MST1R: variants seen among roughly 807,000 people sequenced by gnomAD.
The protein encoded by MST1R is macrophage-stimulating protein receptor.
MST1R carries 99 observed loss-of-function variants against 117.8 expected under a neutral mutation model. The ratio of observed to expected loss-of-function variants is 0.84; its 90% CI spans 0.71 to 0.99. The LOEUF (loss-of-function observed/expected upper bound fraction) is 0.99, where lower values mean the gene tolerates loss of function less well. Ranked by LOEUF, MST1R falls within the 50% of genes least tolerant of loss-of-function variation. The pLI is 0.00. For synonymous variants in MST1R, 734 were observed against 765.3 expected (o/e 0.96, Z 0.68); for missense variants, 1,683 against 1,840.2 (o/e 0.91, Z 1.56).
chr3:49,890,161 G>A, intron 18 of MST1R, 101 bp from the exon 19 acceptor site: 1 of 1,422,592 alleles, frequency 7.0e-7, no homozygotes, highest in Non-Finnish European at 9.5e-7. Context: ...GCTGGAAATG[G>A]AAGACCCTAC....
chr3:49,890,144 TC>T, intron 18 of MST1R, 84 bp from the exon 19 acceptor site: 18 of 1,492,942 alleles, frequency 1.2e-5, no homozygotes, highest in Non-Finnish European at 1.6e-5. Context: ...CCTCCCAGAG[TC>T]CTTCAGCTGG....
Position 49,903,855 on chromosome 3 carries a change from C to A in MST1R, c.-246G>T. ...CGCCCCAGCCGCCTCACCTGCCGCC[C>A]CAGCCGCCGCTGTACACTGGCGCTT... is the stretch of plus-strand genomic sequence containing the variant. On this transcript the variant is annotated 5_prime_UTR_variant, in exon 1 of 20. Coordinates refer to ENST00000296474, the MANE Select transcript of MST1R (RefSeq NM_002447.4). The A allele has an allele frequency of 1.9e-6, 1 of 531,138 alleles. No individual in the cohort carries two copies. The highest frequency in any genetic ancestry group is 3.2e-6 in the Non-Finnish European group (1 of 307,962). 32.9% of individuals were successfully genotyped at this position (531,138 alleles called of 1,614,324 possible). A position where few individuals can be genotyped will look rare whatever the true frequency, so the allele number is the denominator to read the frequency against.
At position 49,892,452 on chromosome 3, in the gene MST1R, G is replaced by A. The variant is rs187485731; in HGVS notation, c.3272-614C>T. 5.3e-3 allele frequency among the ~76,000 whole-genome samples: 797 copies of A among 151,370 alleles called. 5 individuals are homozygous for A. Among genetic ancestry groups the A allele is most frequent in the African/African-American group, 0.019 (770 of 41,298 alleles). On this transcript the variant is annotated intron_variant, in intron 14 of 19. Coordinates refer to ENST00000296474, the MANE Select transcript of MST1R (RefSeq NM_002447.4). Reference sequence around the variant, plus strand: ...TGAGGCAGGAGGATAGCTTGAACCCGGGAGGCAGAGGTTGCAGTGAGCCAA... The same window carrying A: ...TGAGGCAGGAGGATAGCTTGAACCCAGGAGGCAGAGGTTGCAGTGAGCCAA...
At chr3:49,902,272 C>T in intron 1 of MST1R, 108 bp downstream of exon 1, 5 of 1,444,148 alleles carry the variant, frequency 3.5e-6, no homozygotes, top group Non-Finnish European at 4.6e-6. Context: ...CTTCTTTCCG[C>T]CTGCCCCCCC....
At chr3:49,899,878 G>A (rs1387658551) in intron 1 of MST1R, among the ~76,000 whole-genome samples, 3 of 151,992 alleles carry the variant, frequency 2.0e-5, no homozygotes, top group Non-Finnish European at 4.4e-5. Context: ...GGCCCACCCC[G>A]TACATCTCAC....
chr3:49,895,365 C>T lies in MST1R; in HGVS notation c.3073G>A (p.Ala1025Thr), dbSNP rs2082431987. 1.2e-6 allele frequency: 2 copies of T among 1,614,208 alleles called. No homozygotes were observed. The highest frequency in any genetic ancestry group is 1.7e-6 in the Non-Finnish European group (2 of 1,180,050). Residue 1025 changes from alanine (A) to threonine (T), a missense_variant, in exon 14 of 20, where the codon GCC becomes ACC. Ala to Thr is a moderately conservative substitution (Grantham distance 58). Transcript: ENST00000296474. ...SDYRSGLALP[A>T]IDGLDSTTCV... ...GTGGTGGAATCCAGACCATCAATGG[C>T]AGGGAGTGCTGTGGGGAGAGGGAAT...
At chr3:49,899,320 T>C (rs1389130451) in intron 1 of MST1R, 57 bp from the exon 2 acceptor site, 15 of 1,582,930 alleles carry the variant, frequency 9.5e-6, no homozygotes, top group African/African-American at 1.3e-5. Flanking sequence ...CCCGACCCTC[T>C]GGGGCCTTTG....
At chr3:49,890,346 CCAAG>C in intron 18 of MST1R, 135 bp downstream of exon 18, 1 of 973,894 alleles carries the variant, frequency 1.0e-6, no homozygotes, top group Non-Finnish European at 1.5e-6. Context: ...TTACATCTGC[CCAAG>C]AGGTGAGCAG....
chr3:49,891,943 T>C lies in MST1R; in HGVS notation c.3272-105A>G. ...GACCTCAGAGCACTAAACTGGCCAATCTGACATTTTATTTATTTTTAATTT... is the reference window on the plus strand; with the variant it reads ...GACCTCAGAGCACTAAACTGGCCAACCTGACATTTTATTTATTTTTAATTT... On this transcript the variant is annotated intron_variant, in intron 14 of 19. Transcript: ENST00000296474. 3 of 789,856 alleles carry C rather than the reference T, an allele frequency of 3.8e-6. No homozygotes were observed. In the Middle Eastern group the frequency reaches 7.9e-4, roughly 209 times the overall value. 48.9% of individuals were successfully genotyped at this position (789,856 alleles called of 1,614,324 possible). A position where few individuals can be genotyped will look rare whatever the true frequency, so the allele number is the denominator to read the frequency against.
rs2082528701 is a variant in MST1R, at chr3:49,897,681, C to T, written c.1885G>A (p.Val629Met). 6.2e-7 allele frequency: 1 copy of T among 1,611,108 alleles called. No individual in the cohort carries two copies. Among genetic ancestry groups the T allele is most frequent in the South Asian group, 1.1e-5 (1 of 90,596 alleles). ...LPKDSSKLRP[V>M]PRKDFVEEFE... ...TCCTCTACAAAGTCTTTCCGGGGCACTGGTCTGGGGCACCAGGGGAACCCC... is the reference window on the plus strand; with the variant it reads ...TCCTCTACAAAGTCTTTCCGGGGCATTGGTCTGGGGCACCAGGGGAACCCC... Residue 629 changes from valine (V) to methionine (M), a missense_variant, in exon 6 of 20, where the codon GTG becomes ATG. Physicochemically the swap from Val to Met is conservative, Grantham distance 21. Coordinates refer to ENST00000296474, the MANE Select transcript of MST1R (RefSeq NM_002447.4).
chr3:49,889,169 T>C (rs569172036), intron 19 of MST1R, among the ~76,000 whole-genome samples: 1 of 152,326 alleles, frequency 6.6e-6, no homozygotes, highest in African/African-American at 2.4e-5. Context: ...CCAGTCCTTC[T>C]TCCCTTGCCC....
chr3:49,895,929 G>A, intron 11 of MST1R, 32 bp downstream of exon 11: 1 of 1,569,512 alleles, frequency 6.4e-7, no homozygotes, highest in East Asian at 2.2e-5. Flanking sequence ...CTCTGCCCGT[G>A]TTTCCCAGGG....
In MST1R at chr3:49,887,296, CAAGAACT is replaced by C. The variant is rs1401577514; in HGVS notation, c.*4_*10del. The C allele has an allele frequency of 1.9e-6, 3 of 1,613,646 alleles. No individual in the cohort carries two copies. The highest frequency in any genetic ancestry group is 3.3e-5 in the Admixed American group (2 of 60,024). ...TCAAGGCAGCTAAGCAGGTCCAGCC[CAAGAACT>C]AAGTCAAGTGGGCCGAGGAGGCTCT... On this transcript the variant is annotated 3_prime_UTR_variant, in exon 20 of 20. Coordinates refer to ENST00000296474, the MANE Select transcript of MST1R (RefSeq NM_002447.4).
chr3:49,902,568 C>CA lies in MST1R; in HGVS notation c.1041dup (p.Gly348TrpfsTer25). The CA allele has an allele frequency of 1.2e-6, 2 of 1,613,960 alleles. No individual in the cohort carries two copies. Among genetic ancestry groups the CA allele is most frequent in the Non-Finnish European group, 1.7e-6 (2 of 1,180,048 alleles). On this transcript the variant is annotated frameshift_variant, in exon 1 of 20. Coordinates refer to ENST00000296474, the MANE Select transcript of MST1R (RefSeq NM_002447.4). LOFTEE classifies it high-confidence loss of function. Reference sequence around the variant, plus strand: ...CCATCCTTGCCAGTCACAAAGACCCCAAATAGTACTTCCTGGCCCTCGGCG... The same window carrying CA: ...CCATCCTTGCCAGTCACAAAGACCCCAAAATAGTACTTCCTGGCCCTCGGCG...
chr3:49,902,941 A>C lies in MST1R; in HGVS notation c.669T>G (p.Ala223=). 2 of 1,613,290 alleles carry C rather than the reference A, an allele frequency of 1.2e-6. No homozygotes were observed. The highest frequency in any genetic ancestry group is 1.7e-6 in the Non-Finnish European group (2 of 1,179,992). The change falls in exon 1 of 20, where the codon GCT becomes GCG. Residue 223 remains alanine, a synonymous_variant. Coordinates refer to ENST00000296474, the MANE Select transcript of MST1R (RefSeq NM_002447.4). ...AGCCCGGTGCGAATCCCGAGGCGTC[A>C]GCCTTGAGACGCCTGATAGACACTG... ...PRSVSIRRLK[A]DASGFAPGFV... is the part of the protein sequence containing the mutation.
chr3:49,896,511 T>C (rs2082477347), intron 9 of MST1R, 29 bp downstream of exon 9: 2 of 1,612,876 alleles, frequency 1.2e-6, no homozygotes, highest in Admixed American at 1.7e-5. Context: ...TCATCCAGCC[T>C]TCCTCCCTCC....
rs747290036 is a variant in MST1R at position 49,898,082 on chromosome 3, G to A, written c.1849C>T (p.Arg617Trp). Residue 617 changes from arginine to tryptophan, a missense_variant, in exon 5 of 20, where the codon CGG becomes TGG. Coordinates refer to ENST00000296474, the MANE Select transcript of MST1R (RefSeq NM_002447.4). ...TTTGAGCTGTCCTTGGGCAGTGGCC[G>A]GCAGGGACTTTGGCCCACAGTGACC... ...HQVTVGQSPC[R>W]PLPKDSSKLR... The A allele has an allele frequency of 1.8e-5, 29 of 1,613,980 alleles. No homozygotes were observed. The Middle Eastern group carries it at 4.9e-4, about 27-fold the overall frequency.
At chr3:49,893,898 C>CAAAAA (rs1442289482) in intron 14 of MST1R, among the ~76,000 whole-genome samples, 16 of 130,060 alleles carry the variant, frequency 1.2e-4, no homozygotes, top group Middle Eastern at 4.4e-3. Context: ...GACTCCCTCT[C>CAAAAA]AAAAAAAAAA....
intron 1 of MST1R, among the ~76,000 whole-genome samples, chr3:49,900,294 T>C (rs2082633773): frequency 6.6e-6 from 1 of 152,134 alleles, no homozygotes; most frequent in African/African-American, 2.4e-5. Flanking sequence ...GGGGGTGTTT[T>C]TGGGGGCTGC....
Sources: gnomAD v4.1 joint callset for allele counts (sites outside exome capture counted in the v4.1 genomes callset) on GRCh38, gnomAD v4.1.1 for gene constraint, MANE v1.5 for transcripts, NCBI Gene and HGNC (gene_info 2026-07-23, HGNC 2026-07-21) for gene names.